CFAP99: variants seen among roughly 807,000 people sequenced by gnomAD.
CFAP99 encodes cilia and flagella associated protein 99, also known as cilia- and flagella-associated protein 99.
A neutral mutation model predicts 82.7 loss-of-function variants in CFAP99; 84 were observed. That is an observed-to-expected ratio of 1.02 (90% CI 0.85 to 1.22). CFAP99 has a LOEUF of 1.22. CFAP99 is among the 50% of genes most tolerant of loss of function. The probability of loss-of-function intolerance (pLI) is 0.00; values close to 1 mark genes in which losing one functional copy is unlikely to be tolerated. For synonymous variants in CFAP99, 456 were observed against 429.5 expected (o/e 1.06, Z -0.76); for missense variants, 1,059 against 983.5 (o/e 1.08, Z -1.03).
chr4:2,449,849 G>C, intron 7 of CFAP99, 85 bp from the exon 8 acceptor site: 1 of 1,529,494 alleles, frequency 6.5e-7, no homozygotes, highest in Non-Finnish European at 8.8e-7. Context: ...AAGAGGGGGA[G>C]GCTGGGTGGA....
In CFAP99 at chr4:2,449,657, A is replaced by C; in HGVS notation, c.643-13A>C. 6.5e-7 allele frequency: 1 copy of C among 1,535,454 alleles called. No individual in the cohort carries two copies. The highest frequency in any genetic ancestry group is 1.4e-5 in the African/African-American group (1 of 72,934). Reference sequence around the variant, plus strand: ...CTGCTGACCATAGGCTCTTCCTCCCACCACTTCAGCAGGTCCCCCAGAGCA... The same window carrying C: ...CTGCTGACCATAGGCTCTTCCTCCCCCCACTTCAGCAGGTCCCCCAGAGCA... On this transcript the variant is annotated splice_polypyrimidine_tract_variant and intron_variant, in intron 6 of 14. Transcript: ENST00000635017.
intron 3 of CFAP99, among the ~76,000 whole-genome samples, chr4:2,437,407 C>T (rs764808934): frequency 7.9e-5 from 12 of 152,172 alleles, no homozygotes; most frequent in Non-Finnish European, 1.8e-4. Flanking sequence ...AGACTCGCTG[C>T]CTGGGCTTCC....
intron 6 of CFAP99, 41 bp from the exon 7 acceptor site, chr4:2,449,629 C>T (rs1345597934): frequency 5.3e-6 from 8 of 1,523,722 alleles, no homozygotes; most frequent in African/African-American, 1.4e-5. Context: ...CTCCCACTCG[C>T]AGCTGCTGAC....
chr4:2,438,049 G>A (rs1229366175), intron 3 of CFAP99, 21 bp from the exon 4 acceptor site: 9 of 1,474,102 alleles, frequency 6.1e-6, no homozygotes, highest in Non-Finnish European at 8.2e-6. Context: ...CTTAGCCTCT[G>A]ACAGACCCCC....
chr4:2,444,403 C>T lies in CFAP99; in HGVS notation c.465-728C>T, dbSNP rs28595612. 5.5e-3 allele frequency among the ~76,000 whole-genome samples: 844 copies of T among 152,294 alleles called. 1 individual carries two copies. Among genetic ancestry groups the T allele is most frequent in the African/African-American group, 0.019 (776 of 41,566 alleles). ...TGGGAGCACTGGGGCCTGGCCCTGG[C>T]GAGACCCCAAGACTCCACTTGCTAT... On this transcript the variant is annotated intron_variant, in intron 5 of 14. Coordinates refer to ENST00000635017, the Ensembl canonical transcript of CFAP99.
At chr4:2,438,124 G>A in exon 4 of CFAP99, 1 of 1,535,582 alleles carries the variant, frequency 6.5e-7, no homozygotes, top group Non-Finnish European at 8.7e-7. Flanking sequence ...CAGCTATTCT[G>A]TAACATCATC....
At chr4:2,455,908 GT>G (rs1159712226) in intron 11 of CFAP99, among the ~76,000 whole-genome samples, 3 of 152,194 alleles carry the variant, frequency 2.0e-5, no homozygotes, top group African/African-American at 7.2e-5. Flanking sequence ...GCCTCAATGT[GT>G]TTTAATGAAC....
intron 3 of CFAP99, among the ~76,000 whole-genome samples, chr4:2,437,840 A>T (rs1733950498): frequency 6.6e-6 from 1 of 152,232 alleles, no homozygotes; most frequent in African/African-American, 2.4e-5. Context: ...GCAAATTCTG[A>T]GAACTTATCA....
rs1014092329 is a variant in CFAP99 at position 2,438,113 on chromosome 4, C to G, written c.300C>G (p.Phe100Leu). 34 of 1,535,560 alleles carry G rather than the reference C, an allele frequency of 2.2e-5. No homozygotes were observed. Among genetic ancestry groups the G allele is most frequent in the Non-Finnish European group, 2.8e-5 (32 of 1,146,644 alleles). ...CATTCCTGCTGGAGGAACTCGGCTT[C>G]CAGCTATTCTGTAACATCATCAAGT... Residue 100 changes from phenylalanine to leucine, a missense_variant, in exon 4 of 15, where the codon TTC becomes TTG. Phe to Leu is a conservative substitution (Grantham distance 22, BLOSUM62 0). Coordinates refer to ENST00000635017, the Ensembl canonical transcript of CFAP99.
intron 14 of CFAP99, among the ~76,000 whole-genome samples, chr4:2,461,395 C>T (rs938682097): frequency 6.6e-6 from 1 of 152,216 alleles, no homozygotes; most frequent in African/African-American, 2.4e-5. Flanking sequence ...AAGGACTAAT[C>T]ATTGCTGATG....
In CFAP99 at chr4:2,460,074, T is replaced by C. The variant is rs1473432034; in HGVS notation, c.1493T>C (p.Val498Ala). The change falls in exon 14 of 15, where the codon GTG becomes GCG. Residue 498 changes from valine to alanine, a missense_variant. Val to Ala is a moderately conservative substitution (Grantham distance 64). Transcript: ENST00000635017. Reference sequence around the variant, plus strand: ...GGCCTGGAAGGAGAGATGTCCATAGTGGAGCTGCGAGAGCGGCTGGCCCTG... The same window carrying C: ...GGCCTGGAAGGAGAGATGTCCATAGCGGAGCTGCGAGAGCGGCTGGCCCTG... 4.1e-5 allele frequency: 63 copies of C among 1,535,970 alleles called. 1 individual carries two copies. Among genetic ancestry groups the C allele is most frequent in the Non-Finnish European group, 5.1e-5 (59 of 1,146,904 alleles).
chr4:2,450,161 C>T, intron 8 of CFAP99, 156 bp downstream of exon 8: 1 of 740,030 alleles, frequency 1.4e-6, no homozygotes, highest in South Asian at 1.7e-5. Context: ...GAAAGTGTGC[C>T]TTGAGCCCAC....
At chr4:2,450,878 C>A in intron 8 of CFAP99, 69 bp from the exon 9 acceptor site, 1 of 1,341,712 alleles carries the variant, frequency 7.5e-7, no homozygotes, top group South Asian at 1.3e-5. Context: ...CAGCATCCAC[C>A]TGGTATGTGT....
exon 13 of CFAP99, chr4:2,459,248 A>G: frequency 6.5e-7 from 1 of 1,533,776 alleles, no homozygotes; most frequent in Non-Finnish European, 8.7e-7. Flanking sequence ...AAGCTCGTGG[A>G]CCTGACCCAG....
intron 14 of CFAP99, among the ~76,000 whole-genome samples, chr4:2,461,734 G>A (rs1292083583): frequency 6.6e-6 from 1 of 152,142 alleles, no homozygotes; most frequent in Non-Finnish European, 1.5e-5. Flanking sequence ...TGGAGACAGG[G>A]AACAGCACAT....
intron 3 of CFAP99, 120 bp downstream of exon 3, chr4:2,437,138 C>A: frequency 1.6e-6 from 2 of 1,220,562 alleles, no homozygotes; most frequent in African/African-American, 1.5e-5. Context: ...CCTGCCCTTG[C>A]ACTGGAGGCT....
intron 3 of CFAP99, among the ~76,000 whole-genome samples, chr4:2,437,631 C>T (rs1008626547): frequency 2.0e-5 from 3 of 152,278 alleles, no homozygotes; most frequent in South Asian, 4.1e-4. Flanking sequence ...GCTCCTGTCC[C>T]GACCCCTTGC....
intron 2 of CFAP99, among the ~76,000 whole-genome samples, chr4:2,429,946 C>A (rs1733766428): frequency 6.7e-6 from 1 of 149,296 alleles, no homozygotes. Context: ...TGCATTGGAT[C>A]CTGATCCAGT....
chr4:2,443,127 C>A lies in CFAP99; in HGVS notation c.352-3C>A. On this transcript the variant is annotated splice_polypyrimidine_tract_variant and splice_region_variant and intron_variant, in intron 4 of 14. Coordinates refer to ENST00000635017, the Ensembl canonical transcript of CFAP99. Reference sequence around the variant, plus strand: ...GCCCCCTGACAGCCCCCGTCCACCCCAGTTCCTCAGGTTCTTCTTCAACCC... The same window carrying A: ...GCCCCCTGACAGCCCCCGTCCACCCAAGTTCCTCAGGTTCTTCTTCAACCC... 6.6e-7 allele frequency: 1 copy of A among 1,516,086 alleles called. No homozygotes were observed. Among genetic ancestry groups the A allele is most frequent in the Non-Finnish European group, 8.9e-7 (1 of 1,128,898 alleles). 93.9% of individuals were successfully genotyped at this position (1,516,086 alleles called of 1,614,324 possible). A position where few individuals can be genotyped will look rare whatever the true frequency, so the allele number is the denominator to read the frequency against.
Sources: gnomAD v4.1 joint callset for allele counts (sites outside exome capture counted in the v4.1 genomes callset) on GRCh38, gnomAD v4.1.1 for gene constraint, MANE v1.5 for transcripts, NCBI Gene and HGNC (gene_info 2026-07-23, HGNC 2026-07-21) for gene names.